RBFOX1: variants seen among roughly 807,000 people sequenced by gnomAD.
The protein encoded by RBFOX1 is RNA binding fox-1 homolog 1, also known as RNA binding protein fox-1 homolog 1.
RBFOX1 carries 8 observed loss-of-function variants against 57.7 expected under a neutral mutation model. That is an observed-to-expected ratio of 0.14 (90% CI 0.08 to 0.25). RBFOX1 has a LOEUF of 0.25. RBFOX1 is among the 10% of genes least tolerant of loss of function. RBFOX1 has a pLI of 1.00. For synonymous variants in RBFOX1, 326 were observed against 222.4 expected (o/e 1.47, Z -4.15); for missense variants, 611 against 548.5 (o/e 1.11, Z -1.14).
chr16:5,907,432 C>T (rs2058488008), intron 4 of RBFOX1, among the ~76,000 whole-genome samples: 1 of 152,014 alleles, frequency 6.6e-6, no homozygotes, highest in South Asian at 2.1e-4. Context: ...CACGTTGCAC[C>T]TTTGTGATTA....
At chr16:5,834,577 C>CATAGATAGATAGATAG (rs141276552) in intron 3 of RBFOX1, among the ~76,000 whole-genome samples, 130 of 147,490 alleles carry the variant, frequency 8.8e-4, no homozygotes, top group Middle Eastern at 3.5e-3. Context: ...GTGCATGTGT[C>CATAGATAGATAGATAG]ATAGATAGAT....
chr16:6,952,582 G>A (rs1459493056), intron 3 of RBFOX1, among the ~76,000 whole-genome samples: 1 of 151,950 alleles, frequency 6.6e-6, no homozygotes, highest in Non-Finnish European at 1.5e-5. Flanking sequence ...AGGCTGCAGT[G>A]AGCCATGATC....
chr16:6,729,760 CA>C (rs2068076136), intron 3 of RBFOX1, among the ~76,000 whole-genome samples: 1 of 152,080 alleles, frequency 6.6e-6, no homozygotes, highest in Non-Finnish European at 1.5e-5. Flanking sequence ...CTTAAAGTCA[CA>C]CTCTGTGTTC....
At chr16:7,524,537 C>G (rs894195647) in intron 5 of RBFOX1, among the ~76,000 whole-genome samples, 2 of 152,176 alleles carry the variant, frequency 1.3e-5, no homozygotes, top group Non-Finnish European at 2.9e-5. Flanking sequence ...CTCCATGTAT[C>G]TCCAACAGCA....
At chr16:6,720,669 A>G (rs1280472408) in intron 3 of RBFOX1, among the ~76,000 whole-genome samples, 4 of 152,282 alleles carry the variant, frequency 2.6e-5, no homozygotes, top group East Asian at 1.9e-4. Flanking sequence ...AGAAGGAGAC[A>G]TGTGTCAGGA....
At chr16:5,292,399 T>C (rs1253320698) in intron 1 of RBFOX1, among the ~76,000 whole-genome samples, 1 of 152,234 alleles carries the variant, frequency 6.6e-6, no homozygotes, top group African/African-American at 2.4e-5. Context: ...GCTTCATTGC[T>C]GATTTTTTTC....
chr16:7,062,677 A>G (rs1386065852), intron 4 of RBFOX1, among the ~76,000 whole-genome samples: 1 of 152,160 alleles, frequency 6.6e-6, no homozygotes, highest in Admixed American at 6.5e-5. Flanking sequence ...GAGACTCTGA[A>G]TATTGAGTAG....
At chr16:6,874,784 G>A (rs1055647509) in intron 3 of RBFOX1, among the ~76,000 whole-genome samples, 3 of 152,102 alleles carry the variant, frequency 2.0e-5, no homozygotes, top group African/African-American at 7.2e-5. Flanking sequence ...GGGGAAGGGT[G>A]GGAGGTGGGT....
At chr16:5,967,910 C>A (rs1185857267) in intron 4 of RBFOX1, among the ~76,000 whole-genome samples, 1 of 152,084 alleles carries the variant, frequency 6.6e-6, no homozygotes, top group Non-Finnish European at 1.5e-5. Flanking sequence ...GTATCCCTAC[C>A]ATTCCTCTGT....
intron 7 of RBFOX1, among the ~76,000 whole-genome samples, chr16:7,592,796 A>G (rs2094510331): frequency 6.6e-6 from 1 of 152,156 alleles, no homozygotes; most frequent in Non-Finnish European, 1.5e-5. Context: ...GATATCAGCA[A>G]TATAAAATTC....
chr16:6,074,302 T>A (rs2152492285), intron 1 of RBFOX1, among the ~76,000 whole-genome samples: 1 of 152,262 alleles, frequency 6.6e-6, no homozygotes, highest in East Asian at 1.9e-4. Context: ...GTACAGACTT[T>A]TTGTATGTAG....
chr16:5,847,343 T>A (rs1191242492), intron 3 of RBFOX1, among the ~76,000 whole-genome samples: 1 of 148,402 alleles, frequency 6.7e-6, no homozygotes, highest in Non-Finnish European at 1.5e-5. Context: ...TTAGCCTCAG[T>A]TTCCTTATCT....
At chr16:7,446,199 C>T (rs1265450583) in intron 4 of RBFOX1, among the ~76,000 whole-genome samples, 2 of 152,132 alleles carry the variant, frequency 1.3e-5, no homozygotes, top group African/African-American at 2.4e-5. Flanking sequence ...AGCAGTTCTC[C>T]TGGTTATTAA....
intron 1 of RBFOX1, among the ~76,000 whole-genome samples, chr16:6,064,604 G>A (rs1164173850): frequency 2.6e-5 from 4 of 151,760 alleles, no homozygotes; most frequent in Admixed American, 6.6e-5. Flanking sequence ...GCAGTGGTGC[G>A]ATCTCGGCTC....
chr16:7,174,168 G>C (rs904131957), intron 4 of RBFOX1, among the ~76,000 whole-genome samples: 1 of 149,724 alleles, frequency 6.7e-6, no homozygotes, highest in Non-Finnish European at 1.5e-5. Flanking sequence ...TTAGCAGAAA[G>C]TTTATCCATG....
At chr16:6,245,591 CTAA>C (rs776488095) in intron 1 of RBFOX1, among the ~76,000 whole-genome samples, 5 of 152,170 alleles carry the variant, frequency 3.3e-5, no homozygotes, top group Admixed American at 6.6e-5. Context: ...CCTCTACACA[CTAA>C]TAATAATACA....
intron 3 of RBFOX1, among the ~76,000 whole-genome samples, chr16:6,743,529 C>G (rs534707182): frequency 3.3e-5 from 5 of 152,146 alleles, no homozygotes; most frequent in African/African-American, 1.2e-4. Context: ...ATGCCTTGAG[C>G]CCAGGAGTTT....
intron 11 of RBFOX1, among the ~76,000 whole-genome samples, chr16:7,636,500 C>T (rs888868260): frequency 6.6e-6 from 1 of 152,156 alleles, no homozygotes; most frequent in Non-Finnish European, 1.5e-5. Flanking sequence ...ACGTGTATTT[C>T]CTGTTTTGAC....
intron 4 of RBFOX1, among the ~76,000 whole-genome samples, chr16:7,287,447 C>T (rs1009153739): frequency 2.0e-5 from 3 of 152,094 alleles, no homozygotes; most frequent in Admixed American, 1.3e-4. Context: ...CTCTAAAGGA[C>T]CAGGACAGCG....
Sources: gnomAD v4.1 joint callset for allele counts (sites outside exome capture counted in the v4.1 genomes callset) on GRCh38, gnomAD v4.1.1 for gene constraint, MANE v1.5 for transcripts, NCBI Gene and HGNC (gene_info 2026-07-23, HGNC 2026-07-21) for gene names.